MYT1L: variants seen among roughly 807,000 people sequenced by gnomAD.
MYT1L encodes myelin transcription factor 1 like.
In MYT1L, 12 loss-of-function variants were observed where a neutral mutation model predicts 126.7. The ratio of observed to expected loss-of-function variants is 0.09; its 90% confidence interval spans 0.06 to 0.15. MYT1L has a LOEUF of 0.15. Among genes scored for constraint, MYT1L ranks in the 10% least tolerant of loss-of-function variants. The pLI is 1.00. For missense variants in MYT1L, 979 were observed against 1,585.2 expected (o/e 0.62, Z 6.49); for synonymous variants, 541 against 604.2 (o/e 0.90, Z 1.53).
At chr2:2,162,302 G>A (rs528283281) in intron 3 of MYT1L, among the ~76,000 whole-genome samples, 14 of 151,430 alleles carry the variant, frequency 9.2e-5, no homozygotes, top group Non-Finnish European at 2.9e-5. Context: ...TGGGGTCCAC[G>A]GAGAAAGGGG....
chr2:2,189,683 G>T (rs563071337), intron 2 of MYT1L, among the ~76,000 whole-genome samples: 2 of 152,246 alleles, frequency 1.3e-5, no homozygotes, highest in South Asian at 2.1e-4. Context: ...CTCTGCGAGG[G>T]CTTCAGACTA....
chr2:2,295,723 GAT>G lies in MYT1L; in HGVS notation c.-520-11222_-520-11221del, dbSNP rs1277517975. ...AGAGAGACAGACAGACAGAGAGAGA[GAT>G]AGAGAGACAGACAGACAGAGAGAGA... On this transcript the variant is annotated intron_variant, in intron 1 of 24. Coordinates refer to ENST00000647738, the MANE Select transcript of MYT1L (RefSeq NM_001303052.2). 2.6e-3 allele frequency among the ~76,000 whole-genome samples: 135 copies of G among 51,582 alleles called. 1 individual carries two copies. Among genetic ancestry groups the G allele is most frequent in the Non-Finnish European group, 3.9e-3 (73 of 18,880 alleles). The allele number at this position is 51,582 out of a possible 152,430, so 33.8% of individuals were successfully genotyped here.
intron 23 of MYT1L, among the ~76,000 whole-genome samples, chr2:1,797,327 C>T (rs548981356): frequency 3.9e-5 from 6 of 152,314 alleles, no homozygotes; most frequent in African/African-American, 1.4e-4. Flanking sequence ...GGGTTCACGC[C>T]ATTCTCCTGC....
At chr2:2,213,770 A>G (rs1315558347) in intron 2 of MYT1L, among the ~76,000 whole-genome samples, 1 of 152,220 alleles carries the variant, frequency 6.6e-6, no homozygotes, top group Admixed American at 6.5e-5. Context: ...TAGAAATGCA[A>G]ACATATCCAG....
At chr2:2,032,085 C>A (rs1371992485) in intron 4 of MYT1L, among the ~76,000 whole-genome samples, 1 of 139,680 alleles carries the variant, frequency 7.2e-6, no homozygotes, top group Non-Finnish European at 1.5e-5. Context: ...AGAAGGAGGG[C>A]CTTACACACA....
intron 21 of MYT1L, among the ~76,000 whole-genome samples, chr2:1,833,806 T>C (rs1026510991): frequency 6.6e-6 from 1 of 152,206 alleles, no homozygotes; most frequent in African/African-American, 2.4e-5. Flanking sequence ...TTCTGCTTTT[T>C]TCAGACACGA....
intron 2 of MYT1L, among the ~76,000 whole-genome samples, chr2:2,174,923 G>A (rs2090544001): frequency 6.6e-6 from 1 of 151,964 alleles, no homozygotes; most frequent in South Asian, 2.1e-4. Flanking sequence ...CTGTTTTTTA[G>A]CACCAAATGC....
chr2:2,212,118 T>C (rs566816550), intron 2 of MYT1L, among the ~76,000 whole-genome samples: 18 of 152,270 alleles, frequency 1.2e-4, no homozygotes, highest in African/African-American at 4.3e-4. Flanking sequence ...GGTGTCTATA[T>C]GCGTATATAA....
chr2:1,849,111 T>C (rs2042882312), intron 19 of MYT1L, among the ~76,000 whole-genome samples: 1 of 151,698 alleles, frequency 6.6e-6, no homozygotes, highest in Non-Finnish European at 1.5e-5. Flanking sequence ...AATAAAATGT[T>C]TAACCCACAT....
Position 2,198,014 on chromosome 2 carries a change from G to C in MYT1L, c.-420-25026C>G, listed in dbSNP as rs575663087. ...ATATACATGCACACACATACACAATGAATATGTGTATATATTATATATATA... is the reference window on the plus strand; with the variant it reads ...ATATACATGCACACACATACACAATCAATATGTGTATATATTATATATATA... On this transcript the variant is annotated intron_variant, in intron 2 of 24. Transcript: ENST00000647738. 3.9e-4 allele frequency among the ~76,000 whole-genome samples: 59 copies of C among 151,274 alleles called. No individual in the cohort carries two copies. The South Asian group carries it at 0.012, about 32-fold the overall frequency.
rs2042744637 is a variant in MYT1L at position 1,848,148 on chromosome 2, A to C, written c.2774+3493T>G. ...AGGACAGCTCCTCACCCAGTTTCCC[A>C]GAATGGGCCCAGGAGAAGGCTGGGG... On this transcript the variant is annotated intron_variant, in intron 19 of 24. Transcript: ENST00000647738. This position sits in a 1 kb window ranked among gnomAD's most constrained non-coding sequence, Gnocchi z 4.8. 6.6e-6 allele frequency among the ~76,000 whole-genome samples: 1 copy of C among 152,234 alleles called. No individual in the cohort carries two copies. The highest frequency in any genetic ancestry group is 2.4e-5 in the African/African-American group (1 of 41,458).
intron 3 of MYT1L, among the ~76,000 whole-genome samples, chr2:2,158,874 G>A (rs911361386): frequency 1.3e-5 from 2 of 151,108 alleles, no homozygotes; most frequent in African/African-American, 2.5e-5. Context: ...GGGTGATGGG[G>A]TGGGGTGAAT....
At chr2:2,323,234 T>A (rs1167956997) in intron 1 of MYT1L, among the ~76,000 whole-genome samples, 3 of 152,186 alleles carry the variant, frequency 2.0e-5, no homozygotes, top group South Asian at 2.1e-4. Context: ...AAACAGAAAA[T>A]TTTCCCCTCC....
intron 8 of MYT1L, among the ~76,000 whole-genome samples, chr2:1,955,494 G>A (rs1227094480): frequency 1.3e-5 from 2 of 152,112 alleles, no homozygotes; most frequent in African/African-American, 4.8e-5. Context: ...TGCCTCTCTA[G>A]AGAGATCATT....
chr2:2,018,597 C>T (rs752103046), intron 4 of MYT1L, among the ~76,000 whole-genome samples: 21 of 152,298 alleles, frequency 1.4e-4, no homozygotes, highest in Non-Finnish European at 2.5e-4. Flanking sequence ...TCCTGCTCTC[C>T]GCCGTTTATG....
At chr2:2,323,436 G>A (rs192714649) in intron 1 of MYT1L, among the ~76,000 whole-genome samples, 242 of 152,230 alleles carry the variant, frequency 1.6e-3, no homozygotes, top group African/African-American at 5.3e-3. Context: ...TAAAAAGCAG[G>A]TGAAATAATT....
chr2:1,946,395 T>C (rs1437530063), intron 8 of MYT1L, among the ~76,000 whole-genome samples: 2 of 152,136 alleles, frequency 1.3e-5, no homozygotes, highest in Non-Finnish European at 2.9e-5. Context: ...GGAAAAGCTG[T>C]CTTCCATGAA....
intron 2 of MYT1L, among the ~76,000 whole-genome samples, chr2:2,189,147 A>G (rs977586989): frequency 1.3e-5 from 2 of 152,198 alleles, no homozygotes; most frequent in African/African-American, 4.8e-5. Context: ...CATACTATAT[A>G]AGAGCTTCTG....
intron 8 of MYT1L, among the ~76,000 whole-genome samples, chr2:1,967,222 A>C (rs993470448): frequency 1.3e-5 from 2 of 152,184 alleles, no homozygotes; most frequent in African/African-American, 4.8e-5. Flanking sequence ...ATCAGTGAAG[A>C]ACATTTAAGA....
Sources: allele counts gnomAD v4.1 joint callset (sites outside exome capture counted in the v4.1 genomes callset), GRCh38; gene constraint gnomAD v4.1.1; non-coding constraint Gnocchi (gnomAD v3.1); transcripts MANE v1.5; gene names NCBI Gene and HGNC (gene_info 2026-07-23, HGNC 2026-07-21).